DCAF6: variants seen among roughly 807,000 people sequenced by gnomAD.
DCAF6 encodes DDB1- and CUL4-associated factor 6.
A neutral mutation model predicts 125.1 loss-of-function variants in DCAF6; 54 were observed. The ratio of observed to expected loss-of-function variants is 0.43; its 90% CI spans 0.35 to 0.54. The LOEUF is 0.54. Ranked by LOEUF, DCAF6 falls within the 20% of genes least tolerant of loss-of-function variation. The probability of loss-of-function intolerance (pLI) is 0.01; values close to 1 mark genes in which losing one functional copy is unlikely to be tolerated. For missense variants in DCAF6, 934 were observed against 1,161.7 expected, an observed-to-expected ratio of 0.80 and a Z score of 2.85; for synonymous variants, 371 against 390.4, an observed-to-expected ratio of 0.95 and a Z score of 0.58.
the DCAF6 span, chr1:167,905,308 A>G: frequency 3.0e-5 from 25 of 841,662 alleles, no homozygotes; most frequent in African/African-American, 5.1e-5. Context: ...ATAGTGGTGA[A>G]AATGCCAGAG....
At chr1:168,005,767 A>G (rs1312211348) in intron 10 of DCAF6, among the ~76,000 whole-genome samples, 1 of 152,162 alleles carries the variant, frequency 6.6e-6, no homozygotes, top group East Asian at 1.9e-4. Flanking sequence ...TTATCAGTAT[A>G]TACCACTTTT....
At chr1:167,941,472 A>G (rs1477991606) in intron 1 of DCAF6, among the ~76,000 whole-genome samples, 1 of 152,244 alleles carries the variant, frequency 6.6e-6, no homozygotes, top group Admixed American at 6.5e-5. Context: ...ATGATCCATG[A>G]TAAAAGTACA....
At chr1:167,868,024 G>A in the DCAF6 span, among the ~76,000 whole-genome samples, 3 of 152,120 alleles carry the variant, frequency 2.0e-5, no homozygotes, top group African/African-American at 7.2e-5. Context: ...ACGTATCTCT[G>A]GGCGTCGATA....
the DCAF6 span, chr1:167,870,448 A>G: frequency 6.5e-7 from 1 of 1,531,686 alleles, no homozygotes; most frequent in Non-Finnish European, 9.0e-7. Context: ...AAACTCAATC[A>G]ACGTAAAATA....
chr1:167,996,475 C>G lies in DCAF6; in HGVS notation c.903+3035C>G, dbSNP rs143327343. Among the ~76,000 whole-genome samples, 313 of 152,286 alleles carry G rather than the reference C, an allele frequency of 2.1e-3. 2 individuals carry two copies. Among genetic ancestry groups the G allele is most frequent in the Non-Finnish European group, 3.5e-3 (237 of 68,026 alleles). On this transcript the variant is annotated intron_variant, in intron 7 of 21. Coordinates refer to ENST00000367840, the MANE Select transcript of DCAF6 (RefSeq NM_001198956.2). ...GAGCTATCAGCATCTCTGGCATGAC[C>G]TATCCCCCTTTGTAGTTGATTTTGC...
intron 4 of DCAF6, among the ~76,000 whole-genome samples, chr1:167,986,198 C>A (rs987717515): frequency 6.6e-6 from 1 of 152,112 alleles, no homozygotes; most frequent in Non-Finnish European, 1.5e-5. Flanking sequence ...TTTTTACATG[C>A]CCCATGCAGG....
the DCAF6 span, among the ~76,000 whole-genome samples, chr1:167,869,730 G>A: frequency 6.6e-6 from 1 of 152,136 alleles, no homozygotes; most frequent in Non-Finnish European, 1.5e-5. Context: ...AATCGATCAC[G>A]ACCCTCTCAT....
chr1:167,872,313 G>C, the DCAF6 span, among the ~76,000 whole-genome samples: 1 of 151,628 alleles, frequency 6.6e-6, no homozygotes. Flanking sequence ...ACTCCAGCCT[G>C]GGCAACAAGA....
In DCAF6 at chr1:167,991,256, C is replaced by T. The variant is rs746777537; in HGVS notation, c.605C>T (p.Pro202Leu). The T allele has an allele frequency of 6.2e-7, 1 of 1,613,110 alleles. No individual in the cohort carries two copies. Among genetic ancestry groups the T allele is most frequent in the Non-Finnish European group, 8.5e-7 (1 of 1,179,818 alleles). Residue 202 changes from proline to leucine, a missense_variant, in exon 6 of 22, where the codon CCA becomes CTA. This residue lies in a region of DCAF6 where 309 missense variants were observed against 381.2 expected (regional missense o/e 0.81). Coordinates refer to ENST00000367840, the MANE Select transcript of DCAF6 (RefSeq NM_001198956.2). ...RAATSVAICPPIPYYLAVGCS... is the reference protein window; with the variant it reads ...RAATSVAICPLIPYYLAVGCS... ...GCCACGTCTGTTGCTATTTGCCCAC[C>T]AATACCATATTACCTTGCTGTTGGT...
chr1:167,882,301 A>G, the DCAF6 span, among the ~76,000 whole-genome samples: 1 of 152,088 alleles, frequency 6.6e-6, no homozygotes, highest in Non-Finnish European at 1.5e-5. Context: ...CCTGGCCAAC[A>G]TGGCGAAACC....
chr1:168,009,278 G>A (rs924270493), intron 10 of DCAF6, among the ~76,000 whole-genome samples: 4 of 151,778 alleles, frequency 2.6e-5, no homozygotes, highest in Admixed American at 1.3e-4. Context: ...GATTACAGGC[G>A]TGAGCCACTG....
intron 16 of DCAF6, among the ~76,000 whole-genome samples, chr1:168,047,344 C>T (rs760672350): frequency 3.9e-5 from 6 of 152,084 alleles, no homozygotes; most frequent in Middle Eastern, 3.2e-3. Flanking sequence ...GAGAGATAAT[C>T]AGTGACAACA....
chr1:167,916,426 C>G, the DCAF6 span, among the ~76,000 whole-genome samples: 1 of 152,154 alleles, frequency 6.6e-6, no homozygotes, highest in Non-Finnish European at 1.5e-5. Flanking sequence ...AGGCTGGTCT[C>G]GAACTCCTGC....
chr1:168,002,552 C>T lies in DCAF6; in HGVS notation c.974C>T (p.Pro325Leu), dbSNP rs768616130. Reference protein sequence around the residue: ...DWSDTGPRARPESERERDGEQ... With the variant: ...DWSDTGPRARLESERERDGEQ... ...TCAGATACTGGACCCAGAGCAAGGC[C>T]GGAGAGTGAACGAGAACGAGATGGT... The change falls in exon 8 of 22, where the codon CCG becomes CTG. Residue 325 changes from proline (P) to leucine (L), a missense_variant. Pro to Leu is a moderately conservative substitution (Grantham distance 98, BLOSUM62 -3). Around this residue, in one of 5 missense-constraint regions of DCAF6, gnomAD observed 559 missense variants for 635.5 expected, o/e 0.88. Transcript: ENST00000367840. 1.9e-6 allele frequency: 3 copies of T among 1,612,776 alleles called. No homozygotes were observed. Among genetic ancestry groups the T allele is most frequent in the Non-Finnish European group, 2.5e-6 (3 of 1,179,068 alleles).
intron 17 of DCAF6, among the ~76,000 whole-genome samples, chr1:168,051,565 C>T (rs915529585): frequency 6.6e-6 from 1 of 152,156 alleles, no homozygotes; most frequent in Non-Finnish European, 1.5e-5. Context: ...TTGTACTTAA[C>T]TCTAGAGGCA....
the DCAF6 span, among the ~76,000 whole-genome samples, chr1:167,885,545 T>C: frequency 6.6e-6 from 1 of 152,252 alleles, no homozygotes; most frequent in Non-Finnish European, 1.5e-5. Flanking sequence ...TGATTGGTGA[T>C]GTTGTGCACC....
At position 168,015,834 on chromosome 1, in the gene DCAF6, A is replaced by G; in HGVS notation, c.1432A>G (p.Arg478Gly). The change falls in exon 11 of 22, where the codon AGG becomes GGG. Residue 478 changes from arginine to glycine, a missense_variant. This residue lies in a region of DCAF6 where 559 missense variants were observed against 635.5 expected (regional missense o/e 0.88). Coordinates refer to ENST00000367840, the MANE Select transcript of DCAF6 (RefSeq NM_001198956.2). The stretch of plus-strand genomic sequence containing the variant: ...GCTTCGTAAGCGCCTGCAACAACTG[A>G]GGCTTAAGAAGGCTGAGCAGCAGAG... ...ALLRKRLQQL[R>G]LKKAEQQRQQ... 1 of 1,536,682 alleles carries G rather than the reference A, an allele frequency of 6.5e-7. No individual in the cohort carries two copies. Among genetic ancestry groups the G allele is most frequent in the Non-Finnish European group, 8.8e-7 (1 of 1,139,778 alleles).
the DCAF6 span, among the ~76,000 whole-genome samples, chr1:167,896,294 G>T: frequency 1.3e-5 from 2 of 152,198 alleles, no homozygotes; most frequent in African/African-American, 4.8e-5. Context: ...ATTGGTGAAG[G>T]TTAGGAGGGG....
At chr1:168,022,584 T>G (rs1417574393) in intron 11 of DCAF6, among the ~76,000 whole-genome samples, 1 of 152,192 alleles carries the variant, frequency 6.6e-6, no homozygotes, top group African/African-American at 2.4e-5. Context: ...TAGTGAGCAT[T>G]TCGTTTCATG....
Sources: gnomAD v4.1 joint callset for allele counts (sites outside exome capture counted in the v4.1 genomes callset) on GRCh38, gnomAD v4.1.1 for gene constraint, gnomAD v4.1.1 regional missense constraint, MANE v1.5 for transcripts, NCBI Gene and HGNC (gene_info 2026-07-23, HGNC 2026-07-21) for gene names.